The following RGL1 variants were observed in gnomAD, a reference collection of about 807,000 sequenced individuals.
RGL1 encodes ral guanine nucleotide dissociation stimulator like 1, also known as ral guanine nucleotide dissociation stimulator-like 1.
A neutral mutation model predicts 95.2 loss-of-function variants in RGL1; 24 were observed. The ratio of observed to expected loss-of-function variants is 0.25; its 90% CI spans 0.18 to 0.35. The LOEUF is 0.35. Ranked by LOEUF, RGL1 falls within the 10% of genes least tolerant of loss-of-function variation. RGL1 has a pLI of 1.00. For synonymous variants in RGL1, 329 were observed against 344.9 expected (o/e 0.95, Z 0.51); for missense variants, 715 against 936.3 (o/e 0.76, Z 3.08).
chr1:183,863,238 G>GT (rs1394995991), intron 3 of RGL1, among the ~76,000 whole-genome samples: 1 of 152,224 alleles, frequency 6.6e-6, no homozygotes, highest in African/African-American at 2.4e-5. Flanking sequence ...TGTGAGACAC[G>GT]TAAGACTTTC....
In RGL1 at chr1:183,724,209, G is replaced by A. The variant is rs1332558264; in HGVS notation, c.-32-17917G>A. 1.3e-5 allele frequency among the ~76,000 whole-genome samples: 2 copies of A among 152,176 alleles called. No individual in the cohort carries two copies. Among genetic ancestry groups the A allele is most frequent in the Admixed American group, 6.5e-5 (1 of 15,276 alleles). ...TTGGGTGAGACTCTGAGATGTGCTGGCTTCAGGTGTGACACAGCACATTCC... is the reference window on the plus strand; with the variant it reads ...TTGGGTGAGACTCTGAGATGTGCTGACTTCAGGTGTGACACAGCACATTCC... On this transcript the variant is annotated intron_variant, in intron 1 of 18. Transcript: ENST00000304685. This position sits in a 1 kb window ranked among gnomAD's most constrained non-coding sequence, Gnocchi z 4.1.
At position 183,721,522 on chromosome 1, in the gene RGL1, C is replaced by A. The variant is rs537200750; in HGVS notation, c.-32-20604C>A. 2.0e-4 allele frequency among the ~76,000 whole-genome samples: 30 copies of A among 152,260 alleles called. No individual in the cohort carries two copies. In the South Asian group the frequency reaches 5.8e-3, roughly 29 times the overall value. On this transcript the variant is annotated intron_variant, in intron 1 of 18. Coordinates refer to the RGL1 transcript ENST00000304685. ...CTCAATAGTAAGTATGAGTTTTAAC[C>A]CCACAGTATGTTAGAAAACGCCTTT...
At chr1:183,882,941 A>C (rs978958131) in intron 5 of RGL1, among the ~76,000 whole-genome samples, 2 of 152,342 alleles carry the variant, frequency 1.3e-5, no homozygotes, top group African/African-American at 4.8e-5. Flanking sequence ...TCTTTCCTTG[A>C]GAACAGGTTT....
intron 2 of RGL1, among the ~76,000 whole-genome samples, chr1:183,755,249 A>G (rs1419485912): frequency 6.6e-6 from 1 of 151,930 alleles, no homozygotes; most frequent in African/African-American, 2.4e-5. Flanking sequence ...TATTTAGTTA[A>G]GTACCTGCTT....
intron 1 of RGL1, among the ~76,000 whole-genome samples, chr1:183,656,241 G>A (rs182563660): frequency 1.3e-5 from 2 of 151,742 alleles, no homozygotes; most frequent in Non-Finnish European, 2.9e-5. Flanking sequence ...CTCTTTCCCC[G>A]TGGGATCTGA....
rs1415813442 is a variant in RGL1, at chr1:183,906,112, C to T, written c.1473-900C>T. Among the ~76,000 whole-genome samples, 5 of 141,118 alleles carry T rather than the reference C, an allele frequency of 3.5e-5. No individual in the cohort carries two copies. The East Asian group carries it at 8.0e-4, about 23-fold the overall frequency. The allele number at this position is 141,118 out of a possible 152,430, so 92.6% of individuals were successfully genotyped here. On this transcript the variant is annotated intron_variant, in intron 13 of 17. Transcript: ENST00000360851. ...AAATTGACAGCAAAATAAGTATTTA[C>T]AAAAAAAAAAACTTGAGGTTTAGAG... is the stretch of plus-strand genomic sequence containing the variant.
At chr1:183,661,775 C>T (rs1189472025) in intron 1 of RGL1, among the ~76,000 whole-genome samples, 2 of 150,814 alleles carry the variant, frequency 1.3e-5, no homozygotes, top group Admixed American at 1.3e-4. Flanking sequence ...AATTTTAGAC[C>T]AATATCCTTG....
At chr1:183,674,236 A>C (rs1457352844) in intron 1 of RGL1, among the ~76,000 whole-genome samples, 1 of 152,210 alleles carries the variant, frequency 6.6e-6, no homozygotes, top group Non-Finnish European at 1.5e-5. Flanking sequence ...TCATTAAAAA[A>C]ACACTTGTTA....
At chr1:183,737,859 C>T (rs1265537046) in intron 1 of RGL1, among the ~76,000 whole-genome samples, 1 of 152,116 alleles carries the variant, frequency 6.6e-6, no homozygotes, top group Non-Finnish European at 1.5e-5. Context: ...TCACCCCACT[C>T]CCAACTTAAG....
chr1:183,716,180 T>C (rs190273348), intron 1 of RGL1, among the ~76,000 whole-genome samples: 2 of 152,332 alleles, frequency 1.3e-5, no homozygotes, highest in Non-Finnish European at 2.9e-5. Flanking sequence ...CATTACAATA[T>C]ACTAGAACTA....
In RGL1 at chr1:183,892,404, CTT is replaced by C. The variant is rs1203487390; in HGVS notation, c.1140+244_1140+245del. Reference sequence around the variant, plus strand: ...CCTGTTATGCAAGCAGATTGTGAAACTTGAGTTCATATGTGTATGTACCTCCT... The same window carrying C: ...CCTGTTATGCAAGCAGATTGTGAAACGAGTTCATATGTGTATGTACCTCCT... On this transcript the variant is annotated intron_variant, in intron 9 of 17. Transcript: ENST00000360851. Among the ~76,000 whole-genome samples the C allele has an allele frequency of 3.3e-5, 5 of 152,284 alleles. No individual in the cohort carries two copies. In the East Asian group the frequency reaches 9.6e-4, roughly 29 times the overall value.
At chr1:183,882,378 G>A (rs1022776505) in intron 5 of RGL1, among the ~76,000 whole-genome samples, 1 of 152,186 alleles carries the variant, frequency 6.6e-6, no homozygotes, top group African/African-American at 2.4e-5. Context: ...AGGGCAAATG[G>A]GATATATGTA....
At chr1:183,784,401 T>C (rs1490062640) in intron 2 of RGL1, among the ~76,000 whole-genome samples, 2 of 152,168 alleles carry the variant, frequency 1.3e-5, no homozygotes, top group African/African-American at 4.8e-5. Context: ...CTCAGGTTCA[T>C]GGGCAGACTT....
At position 183,687,839 on chromosome 1, in the gene RGL1, G is replaced by C. The variant is rs549789336; in HGVS notation, c.-33+51338G>C. Reference sequence around the variant, plus strand: ...AACTGGAAACTTAAAATGAAGGTTTGAGGATCCTGAAATACTATATATTTT... The same window carrying C: ...AACTGGAAACTTAAAATGAAGGTTTCAGGATCCTGAAATACTATATATTTT... On this transcript the variant is annotated intron_variant, in intron 1 of 18. Transcript: ENST00000304685. Among the ~76,000 whole-genome samples, 5 of 152,274 alleles carry C rather than the reference G, an allele frequency of 3.3e-5. No homozygotes were observed. In the East Asian group the frequency reaches 9.6e-4, roughly 29 times the overall value.
intron 2 of RGL1, among the ~76,000 whole-genome samples, chr1:183,845,541 GA>G (rs1194306224): frequency 4.6e-5 from 7 of 152,154 alleles, no homozygotes; most frequent in Non-Finnish European, 7.3e-5. Flanking sequence ...TGCTTCTCGT[GA>G]GTAAATGTCT....
In RGL1 at chr1:183,903,559, TG is replaced by T. The variant is rs552626075; in HGVS notation, c.1350+967del. On this transcript the variant is annotated intron_variant, in intron 12 of 17. Coordinates refer to ENST00000360851, the MANE Select transcript of RGL1 (RefSeq NM_001297671.3). ...ACAAATATTGACTGTCTACCTAACA[TG>T]GGGGGGGTTTGGGAATTACAGCAGA... Among the ~76,000 whole-genome samples the T allele has an allele frequency of 3.7e-4, 56 of 151,758 alleles. No homozygotes were observed. In the East Asian group the frequency reaches 7.5e-3, roughly 20 times the overall value.
intron 2 of RGL1, among the ~76,000 whole-genome samples, chr1:183,763,938 G>A (rs529220156): frequency 6.6e-6 from 1 of 152,152 alleles, no homozygotes; most frequent in Admixed American, 6.5e-5. Context: ...CACACTCCAG[G>A]ATCCTTTGTT....
At chr1:183,860,083 G>C (rs1395528670) in intron 3 of RGL1, among the ~76,000 whole-genome samples, 4 of 151,946 alleles carry the variant, frequency 2.6e-5, no homozygotes, top group Admixed American at 1.3e-4. Context: ...TGTTCTTTTG[G>C]GTCAGTTACA....
At chr1:183,681,055 C>T (rs1653179399) in intron 1 of RGL1, among the ~76,000 whole-genome samples, 1 of 152,204 alleles carries the variant, frequency 6.6e-6, no homozygotes, top group Non-Finnish European at 1.5e-5. Context: ...AACTGTTTAT[C>T]AGCTTAAGGA....
Sources: allele counts gnomAD v4.1 joint callset (sites outside exome capture counted in the v4.1 genomes callset), GRCh38; gene constraint gnomAD v4.1.1; non-coding constraint Gnocchi (gnomAD v3.1); transcripts MANE v1.5; gene names NCBI Gene and HGNC (gene_info 2026-07-23, HGNC 2026-07-21).